The following HEATR5A variants were observed in gnomAD, a reference collection of about 807,000 sequenced individuals.
HEATR5A encodes the protein HEAT repeat-containing protein 5A.
A neutral mutation model predicts 218.8 loss-of-function variants in HEATR5A; 178 were observed. The observed-to-expected ratio is 0.81, with a 90% CI of 0.72 to 0.92. The LOEUF is 0.92. Ranked by LOEUF, HEATR5A falls within the 40% of genes least tolerant of loss-of-function variation. The pLI is 0.00. For synonymous variants in HEATR5A, 864 were observed against 871.6 expected (o/e 0.99, Z 0.15); for missense variants, 2,420 against 2,418.9 (o/e 1.00, Z -0.01).
rs778767801 is a variant in HEATR5A, at chr14:31,363,203, C to CT, written c.2071+985_2071+986insA. ...TCAGTGAGCCGAGATCATGCCACTGCACTCCAGCCTGGGGGACAGAGCAAG... is the reference window on the plus strand; with the variant it reads ...TCAGTGAGCCGAGATCATGCCACTGCTACTCCAGCCTGGGGGACAGAGCAAG... On this transcript the variant is annotated intron_variant, in intron 14 of 35. Transcript: ENST00000543095. 9.3e-5 allele frequency among the ~76,000 whole-genome samples: 14 copies of CT among 150,738 alleles called. No homozygotes were observed. In the East Asian group the frequency reaches 2.1e-3, roughly 23 times the overall value.
intron 23 of HEATR5A, among the ~76,000 whole-genome samples, chr14:31,324,205 G>A (rs1900192430): frequency 1.3e-5 from 2 of 151,548 alleles, no homozygotes; most frequent in African/African-American, 4.8e-5. Flanking sequence ...TGGGAAGGCT[G>A]TTTTAACACT....
chr14:31,378,909 C>T (rs373115464), intron 11 of HEATR5A, among the ~76,000 whole-genome samples: 1 of 151,530 alleles, frequency 6.6e-6, no homozygotes. Flanking sequence ...ATTTATCGGC[C>T]AAATCAGGTC....
At chr14:31,403,312 A>G (rs1437739203) in intron 1 of HEATR5A, among the ~76,000 whole-genome samples, 1 of 152,190 alleles carries the variant, frequency 6.6e-6, no homozygotes, top group East Asian at 1.9e-4. Flanking sequence ...GAGACATTCC[A>G]CTAAAATTCT....
chr14:31,419,110 T>C (rs1255933627), intron 1 of HEATR5A, among the ~76,000 whole-genome samples: 2 of 152,154 alleles, frequency 1.3e-5, no homozygotes, highest in Non-Finnish European at 2.9e-5. Flanking sequence ...TGGAGGGAAC[T>C]TAAGCTAGAA....
At chr14:31,419,499 G>C (rs1408794652) in intron 1 of HEATR5A, among the ~76,000 whole-genome samples, 1 of 152,190 alleles carries the variant, frequency 6.6e-6, no homozygotes, top group Non-Finnish European at 1.5e-5. Context: ...AAGTTCTTAA[G>C]TGTACTTGTG....
intron 22 of HEATR5A, among the ~76,000 whole-genome samples, chr14:31,329,029 A>AG (rs1451421891): frequency 2.0e-5 from 3 of 152,118 alleles, no homozygotes; most frequent in African/African-American, 7.2e-5. Flanking sequence ...AAGGAGGCAA[A>AG]GGGGGAAGAG....
At chr14:31,310,192 C>T (rs529173772) in intron 28 of HEATR5A, among the ~76,000 whole-genome samples, 45 of 151,300 alleles carry the variant, frequency 3.0e-4, no homozygotes, top group Non-Finnish European at 6.3e-4. Context: ...AGGCATCATA[C>T]TGTATGTATC....
At chr14:31,394,674 T>C (rs762968845) in intron 5 of HEATR5A, among the ~76,000 whole-genome samples, 6 of 151,896 alleles carry the variant, frequency 4.0e-5, no homozygotes, top group African/African-American at 1.2e-4. Flanking sequence ...AAAAATTAGC[T>C]GGGCATGGTG....
chr14:31,367,216 A>G (rs965424300), intron 13 of HEATR5A, among the ~76,000 whole-genome samples: 3 of 152,220 alleles, frequency 2.0e-5, no homozygotes, highest in Non-Finnish European at 4.4e-5. Context: ...CAACAAAAAT[A>G]CAAAGAACCT....
At chr14:31,366,450 A>C (rs1901806972) in intron 13 of HEATR5A, among the ~76,000 whole-genome samples, 1 of 152,222 alleles carries the variant, frequency 6.6e-6, no homozygotes, top group Admixed American at 6.5e-5. Context: ...AAAATCCTGC[A>C]ACGTTCACTT....
intron 14 of HEATR5A, among the ~76,000 whole-genome samples, chr14:31,359,364 T>C (rs1901538974): frequency 2.0e-5 from 3 of 151,036 alleles, no homozygotes; most frequent in Non-Finnish European, 2.9e-5. Context: ...AATATAAAAA[T>C]AGATGTAAAA....
In HEATR5A at chr14:31,323,705, T is replaced by C; in HGVS notation, c.3647A>G (p.His1216Arg). 1 of 1,613,818 alleles carries C rather than the reference T, an allele frequency of 6.2e-7. No individual in the cohort carries two copies. Among genetic ancestry groups the C allele is most frequent in the South Asian group, 1.1e-5 (1 of 91,082 alleles). ...VLTTRRDEKS[H>R]PFTNPRWATR... is the part of the protein sequence containing the mutation. ...AGCCCATCGGGGATTGGTAAAAGGA[T>C]GGGATTTTTCATCACGTCTGGTGGT... The change falls in exon 24 of 36, where the codon CAT (histidine) becomes CGT (arginine). Residue 1216 changes from histidine (H) to arginine (R), a missense_variant. By Grantham distance (29) the His-to-Arg change is conservative. Transcript: ENST00000543095.
At chr14:31,387,011 C>T in intron 8 of HEATR5A, 109 bp downstream of exon 8, 2 of 1,066,282 alleles carry the variant, frequency 1.9e-6, no homozygotes, top group East Asian at 2.4e-5. Context: ...GAACTTCTAT[C>T]AGCCTTCAAG....
intron 1 of HEATR5A, among the ~76,000 whole-genome samples, chr14:31,416,620 GA>G (rs936154136): frequency 2.7e-5 from 4 of 149,218 alleles, no homozygotes; most frequent in East Asian, 2.0e-4. Flanking sequence ...AAAAAAAAAA[GA>G]AAAAAAAGCC....
chr14:31,349,523 G>T, intron 18 of HEATR5A, among the ~76,000 whole-genome samples: 1 of 152,050 alleles, frequency 6.6e-6, no homozygotes, highest in Non-Finnish European at 1.5e-5. Context: ...CTATCCTAGA[G>T]TCCATCCCAT....
intron 16 of HEATR5A, among the ~76,000 whole-genome samples, chr14:31,351,715 G>C (rs1375417544): frequency 6.6e-6 from 1 of 151,810 alleles, no homozygotes; most frequent in African/African-American, 2.4e-5. Flanking sequence ...GGGCTTAAGT[G>C]ATCCTCCAGC....
At chr14:31,367,861 G>T (rs761911784) in intron 13 of HEATR5A, among the ~76,000 whole-genome samples, 3 of 151,962 alleles carry the variant, frequency 2.0e-5, no homozygotes, top group Non-Finnish European at 4.4e-5. Flanking sequence ...CACCAATAGA[G>T]AGCACAGGCA....
chr14:31,368,755 C>T (rs1421957900), intron 13 of HEATR5A, among the ~76,000 whole-genome samples: 1 of 151,248 alleles, frequency 6.6e-6, no homozygotes, highest in East Asian at 1.9e-4. Context: ...AGAGATGAGA[C>T]CTCACTATGT....
intron 21 of HEATR5A, among the ~76,000 whole-genome samples, chr14:31,339,302 T>C (rs905864821): frequency 4.0e-5 from 6 of 151,008 alleles, no homozygotes; most frequent in African/African-American, 1.5e-4. Flanking sequence ...ACATAAAAAT[T>C]AGCTGGGCGT....
Sources: allele counts gnomAD v4.1 joint callset (sites outside exome capture counted in the v4.1 genomes callset), GRCh38; gene constraint gnomAD v4.1.1; transcripts MANE v1.5; gene names NCBI Gene and HGNC (gene_info 2026-07-23, HGNC 2026-07-21).